LUZP2: variants seen among roughly 807,000 people sequenced by gnomAD.
LUZP2 encodes leucine zipper protein 2.
LUZP2 carries 52 observed loss-of-function variants against 51.6 expected under a neutral mutation model. The ratio of observed to expected loss-of-function variants is 1.01; its 90% CI spans 0.81 to 1.27. The LOEUF is 1.27. Ranked by LOEUF, LUZP2 falls within the 50% of genes most tolerant of loss-of-function variation. The probability of loss-of-function intolerance (pLI) is 0.00; values close to 1 mark genes in which losing one functional copy is unlikely to be tolerated. For missense variants in LUZP2, 436 were observed against 395.4 expected (o/e 1.10, Z -0.87); for synonymous variants, 154 against 137.3 (o/e 1.12, Z -0.85).
intron 9 of LUZP2, among the ~76,000 whole-genome samples, chr11:25,013,115 C>A (rs1219916241): frequency 2.0e-5 from 3 of 152,050 alleles, no homozygotes; most frequent in Non-Finnish European, 2.9e-5. Flanking sequence ...GTGAAATAAG[C>A]CGGGGACCAA....
At chr11:24,828,440 G>T (rs996964022) in intron 5 of LUZP2, among the ~76,000 whole-genome samples, 18 of 151,578 alleles carry the variant, frequency 1.2e-4, no homozygotes, top group Non-Finnish European at 1.9e-4. Context: ...TGTGCAGAGA[G>T]ATTTAGAATT....
chr11:24,523,877 T>C (rs558622438), intron 1 of LUZP2, among the ~76,000 whole-genome samples: 170 of 151,908 alleles, frequency 1.1e-3, no homozygotes, highest in Non-Finnish European at 1.7e-3. Flanking sequence ...TATTTTTATA[T>C]TTAAGTAAAG....
intron 5 of LUZP2, among the ~76,000 whole-genome samples, chr11:24,848,366 T>C (rs1018461166): frequency 1.3e-5 from 2 of 152,170 alleles, no homozygotes; most frequent in Non-Finnish European, 2.9e-5. Context: ...TACATTTATT[T>C]GTTTGCTCAA....
chr11:25,000,725 T>G (rs1030176364), intron 9 of LUZP2, among the ~76,000 whole-genome samples: 5 of 152,182 alleles, frequency 3.3e-5, no homozygotes, highest in Non-Finnish European at 5.9e-5. Flanking sequence ...TTAGTATCCC[T>G]GACTGGTTAG....
At chr11:24,911,060 G>A (rs759082438) in intron 6 of LUZP2, among the ~76,000 whole-genome samples, 3 of 152,272 alleles carry the variant, frequency 2.0e-5, no homozygotes, top group Admixed American at 2.0e-4. Context: ...TAATGACTGC[G>A]CTATTGGCTT....
At chr11:24,601,016 T>C (rs572832947) in intron 1 of LUZP2, among the ~76,000 whole-genome samples, 1 of 152,242 alleles carries the variant, frequency 6.6e-6, no homozygotes, top group South Asian at 2.1e-4. Flanking sequence ...ATTTAGATGA[T>C]CTGATTGAAC....
intron 5 of LUZP2, among the ~76,000 whole-genome samples, chr11:24,810,426 A>G (rs959575172): frequency 6.6e-6 from 1 of 152,178 alleles, no homozygotes; most frequent in African/African-American, 2.4e-5. Flanking sequence ...TATAAAGATA[A>G]TAGCCACTCT....
intron 7 of LUZP2, among the ~76,000 whole-genome samples, chr11:24,930,026 TTGTC>T: frequency 6.6e-6 from 1 of 152,352 alleles, no homozygotes; most frequent in Middle Eastern, 3.4e-3. Context: ...TAAAGTTTGT[TTGTC>T]TGATATAAGA....
At chr11:24,935,978 T>C (rs1854574012) in intron 7 of LUZP2, among the ~76,000 whole-genome samples, 1 of 152,234 alleles carries the variant, frequency 6.6e-6, no homozygotes. Flanking sequence ...TCCCTTTTTG[T>C]CGTGAATGGA....
intron 1 of LUZP2, among the ~76,000 whole-genome samples, chr11:24,614,008 C>T (rs147488715): frequency 1.4e-4 from 21 of 152,112 alleles, no homozygotes; most frequent in African/African-American, 4.8e-4. Context: ...TTTCCATCAG[C>T]TGTGTTTATG....
At chr11:24,646,737 A>T (rs990238365) in intron 1 of LUZP2, 2 of 289,190 alleles carry the variant, frequency 6.9e-6, no homozygotes, top group African/African-American at 4.6e-5. Flanking sequence ...TCCAAACTGC[A>T]AGGTAACTTG....
intron 1 of LUZP2, among the ~76,000 whole-genome samples, chr11:24,546,276 C>A (rs189955802): frequency 1.3e-5 from 2 of 152,026 alleles, no homozygotes. Context: ...CCTTTATTTC[C>A]TTATCCTGCC....
At chr11:24,734,251 C>T (rs2631432) in intron 3 of LUZP2, among the ~76,000 whole-genome samples, 118,985 of 151,508 alleles carry the variant, frequency 0.79, 47,078 homozygotes, top group Admixed American at 0.87. Flanking sequence ...ACAGGAGGGA[C>T]GCGGATGAGG....
chr11:24,550,987 TA>T, intron 1 of LUZP2, among the ~76,000 whole-genome samples: 1 of 152,174 alleles, frequency 6.6e-6, no homozygotes, highest in Admixed American at 6.6e-5. Flanking sequence ...TTTTATACTT[TA>T]ATTACAGAAT....
intron 5 of LUZP2, among the ~76,000 whole-genome samples, chr11:24,859,363 C>A (rs562766008): frequency 9.0e-4 from 137 of 152,018 alleles, no homozygotes; most frequent in Non-Finnish European, 1.7e-3. Flanking sequence ...AAAGAACCAC[C>A]CCATTTCTCC....
chr11:24,683,025 C>T (rs1033222351), intron 1 of LUZP2, among the ~76,000 whole-genome samples: 2 of 152,096 alleles, frequency 1.3e-5, no homozygotes, highest in Admixed American at 6.6e-5. Context: ...GTGGGAAAGC[C>T]AAATATGTGC....
intron 1 of LUZP2, among the ~76,000 whole-genome samples, chr11:24,711,993 T>C (rs1857844361): frequency 6.6e-6 from 1 of 152,200 alleles, no homozygotes; most frequent in African/African-American, 2.4e-5. Flanking sequence ...TGTACTCTGA[T>C]TGATGTATTA....
intron 5 of LUZP2, among the ~76,000 whole-genome samples, chr11:24,822,175 T>A (rs1850381545): frequency 6.6e-6 from 1 of 152,128 alleles, no homozygotes; most frequent in Non-Finnish European, 1.5e-5. Context: ...TGAAAGATTA[T>A]TTCCCCTACT....
In LUZP2 at chr11:24,644,884, T is replaced by C. The variant is rs780596457; in HGVS notation, c.63-84285T>C. On this transcript the variant is annotated intron_variant, in intron 1 of 11. Transcript: ENST00000336930. Reference sequence around the variant, plus strand: ...AGAACCACAAAAGTGAAGGCCATAATTTTTGGCCAAGCGTTTCAGATAAAA... The same window carrying C: ...AGAACCACAAAAGTGAAGGCCATAACTTTTGGCCAAGCGTTTCAGATAAAA... 3.8e-4 allele frequency among the ~76,000 whole-genome samples: 58 copies of C among 152,198 alleles called. 1 individual carries two copies. The highest frequency in any genetic ancestry group is 1.5e-4 in the Non-Finnish European group (10 of 68,040).
Sources: gnomAD v4.1 joint callset for allele counts (sites outside exome capture counted in the v4.1 genomes callset) on GRCh38, gnomAD v4.1.1 for gene constraint, MANE v1.5 for transcripts, NCBI Gene and HGNC (gene_info 2026-07-23, HGNC 2026-07-21) for gene names.